TNR: variants seen among roughly 807,000 people sequenced by gnomAD.
The protein encoded by TNR is tenascin R.
In TNR, 45 loss-of-function variants were observed where a neutral mutation model predicts 150.4. The ratio of observed to expected loss-of-function variants is 0.30; its 90% CI spans 0.24 to 0.38. The LOEUF (loss-of-function observed/expected upper bound fraction) is 0.38. Ranked by LOEUF, TNR falls within the 10% of genes least tolerant of loss-of-function variation. The pLI is 1.00. For synonymous variants in TNR, 687 were observed against 678.4 expected, an observed-to-expected ratio of 1.01 and a Z score of -0.20; for missense variants, 1,544 against 1,759.1, an observed-to-expected ratio of 0.88 and a Z score of 2.19.
chr1:175,379,604 A>T lies in TNR; in HGVS notation c.1911T>A (p.His637Gln), dbSNP rs576717528. 2.7e-5 allele frequency: 44 copies of T among 1,614,058 alleles called. No homozygotes were observed. In the Admixed American group the frequency reaches 3.5e-4, roughly 13 times the overall value. The change falls in exon 9 of 23, where the codon CAT (histidine) becomes CAA (glutamine). Residue 637 changes from histidine to glutamine, a missense_variant. Physicochemically the swap from His to Gln is conservative, Grantham distance 24. Transcript: ENST00000367674. ...CAATGCCCCTGGGGACCAGTACCTC[A>T]TGATATTGCTCACCCGCCAGGGTGC... ...VYSTLAGEQY[H>Q]EVLVPRGIGP...
intron 1 of TNR, among the ~76,000 whole-genome samples, chr1:175,641,074 G>T (rs937531875): frequency 4.6e-5 from 7 of 152,112 alleles, no homozygotes; most frequent in South Asian, 2.1e-4. Flanking sequence ...GATAATAAAA[G>T]AACTCAAAGT....
At chr1:175,735,386 G>T (rs1373930684) in intron 1 of TNR, among the ~76,000 whole-genome samples, 1 of 152,192 alleles carries the variant, frequency 6.6e-6, no homozygotes, top group East Asian at 1.9e-4. Context: ...GCTGACCTTG[G>T]TATTGACAAA....
In TNR at chr1:175,701,220, G is replaced by A. The variant is rs368357837; in HGVS notation, c.-165+42006C>T. On this transcript the variant is annotated intron_variant, in intron 1 of 22. Transcript: ENST00000367674. ...TTTTGTTTTGTTTCCTTCCCTAGAC[G>A]TACTCCCTCTTGCTGTGCTCCTGCC... 4.0e-5 allele frequency among the ~76,000 whole-genome samples: 6 copies of A among 151,820 alleles called. No homozygotes were observed. In the East Asian group the frequency reaches 7.7e-4, roughly 20 times the overall value.
In TNR at chr1:175,366,079, T is replaced by A; in HGVS notation, c.2113A>T (p.Ile705Phe). ...ATGGGGCCACTGGCCTTGGTCCAGA[T>A]GAGGGAGATGGAGGTCTCCGAGGAG... The part of the protein sequence containing the change: ...TASSETSISL[I>F]WTKASGPIDH... The change falls in exon 11 of 23, where the codon ATC becomes TTC. Residue 705 changes from isoleucine (I) to phenylalanine (F), a missense_variant. This residue lies in a region of TNR where 1,254 missense variants were observed against 1,329.4 expected (regional missense o/e 0.94). Transcript: ENST00000367674. The A allele has an allele frequency of 6.2e-7, 1 of 1,613,912 alleles. No individual in the cohort carries two copies. Among genetic ancestry groups the A allele is most frequent in the Non-Finnish European group, 8.5e-7 (1 of 1,179,894 alleles).
At chr1:175,518,365 A>T (rs776354705) in intron 2 of TNR, among the ~76,000 whole-genome samples, 2 of 152,186 alleles carry the variant, frequency 1.3e-5, no homozygotes, top group Non-Finnish European at 2.9e-5. Context: ...TGGGACACAC[A>T]AATATGTCCA....
chr1:175,593,419 T>G (rs983972701), intron 1 of TNR, among the ~76,000 whole-genome samples: 8 of 151,648 alleles, frequency 5.3e-5, no homozygotes, highest in African/African-American at 1.9e-4. Context: ...GCCAACAGTT[T>G]GCAGCTCAAA....
At chr1:175,675,376 C>A (rs552567447) in intron 1 of TNR, among the ~76,000 whole-genome samples, 6 of 152,326 alleles carry the variant, frequency 3.9e-5, no homozygotes, top group African/African-American at 1.2e-4. Flanking sequence ...TTTGTGGAAC[C>A]CCACTGTCAT....
intron 1 of TNR, among the ~76,000 whole-genome samples, chr1:175,596,235 C>G (rs750759448): frequency 6.6e-6 from 1 of 152,156 alleles, no homozygotes; most frequent in Non-Finnish European, 1.5e-5. Context: ...TGACTTCCCT[C>G]GAAAGATGAA....
intron 2 of TNR, among the ~76,000 whole-genome samples, chr1:175,448,116 T>C (rs1045476923): frequency 6.6e-6 from 1 of 152,178 alleles, no homozygotes; most frequent in Non-Finnish European, 1.5e-5. Flanking sequence ...TGTACTCTTC[T>C]CCTCAAACTT....
intron 1 of TNR, among the ~76,000 whole-genome samples, chr1:175,724,932 G>A (rs534701094): frequency 6.6e-6 from 1 of 152,086 alleles, no homozygotes; most frequent in South Asian, 2.1e-4. Flanking sequence ...AGGGAGTGTG[G>A]GGAACTCAGA....
intron 1 of TNR, among the ~76,000 whole-genome samples, chr1:175,567,896 G>T (rs73048372): frequency 0.034 from 5,176 of 151,468 alleles, 147 homozygotes; most frequent in African/African-American, 0.081. Flanking sequence ...AAAAAATCAA[G>T]GAAAACAAAG....
intron 2 of TNR, among the ~76,000 whole-genome samples, chr1:175,474,125 G>A (rs1484942854): frequency 1.3e-5 from 2 of 152,252 alleles, no homozygotes. Context: ...GTCTTTGGGA[G>A]GAAGTTGCAT....
At chr1:175,429,175 T>G (rs1227664691) in intron 2 of TNR, among the ~76,000 whole-genome samples, 1 of 152,166 alleles carries the variant, frequency 6.6e-6, no homozygotes, top group Non-Finnish European at 1.5e-5. Context: ...TCAAATAAAT[T>G]AAAGAATCAT....
chr1:175,596,217 T>C (rs1662999940), intron 1 of TNR, among the ~76,000 whole-genome samples: 1 of 152,230 alleles, frequency 6.6e-6, no homozygotes, highest in African/African-American at 2.4e-5. Context: ...TATAGAATTA[T>C]TGATTTTTGA....
rs61033216 is a variant in TNR at position 175,331,077 on chromosome 1, C to CTGT, written c.3632-843_3632-842insACA. Among the ~76,000 whole-genome samples, 32 of 94,244 alleles carry CTGT rather than the reference C, an allele frequency of 3.4e-4. 2 individuals carry two copies. The highest frequency in any genetic ancestry group is 1.2e-3 in the African/African-American group (32 of 26,802). The allele number at this position is 94,244 out of a possible 152,430, so 61.8% of individuals were successfully genotyped here. A position where few individuals can be genotyped will look rare whatever the true frequency, so the allele number is the denominator to read the frequency against. On this transcript the variant is annotated intron_variant, in intron 20 of 22. Coordinates refer to ENST00000367674, the MANE Select transcript of TNR (RefSeq NM_003285.3). ...TCTTTCTTTCTTTCTTTCTTTCTTT[C>CTGT]CTTCTTTCTTTCTTTCTTTCTTTCT...
chr1:175,318,286 G>C lies in TNR; in HGVS notation c.*5071C>G, dbSNP rs1648898980. ...TCTGCCTTTCAGTGTGGTGCCACCGGTAGAAGGCTTGTTTTGAATCTCCAA... is the reference window on the plus strand; with the variant it reads ...TCTGCCTTTCAGTGTGGTGCCACCGCTAGAAGGCTTGTTTTGAATCTCCAA... On this transcript the variant is annotated 3_prime_UTR_variant, in exon 23 of 23. Transcript: ENST00000367674. 6.6e-6 allele frequency: 1 copy of C among 152,184 alleles called. No homozygotes were observed. Among genetic ancestry groups the C allele is most frequent in the Non-Finnish European group, 1.5e-5 (1 of 68,034 alleles). The allele number at this position is 152,184 out of a possible 1,614,324, so 9.4% of individuals were successfully genotyped here.
intron 1 of TNR, among the ~76,000 whole-genome samples, chr1:175,596,706 T>A (rs762425327): frequency 5.3e-5 from 8 of 152,326 alleles, no homozygotes; most frequent in Middle Eastern, 3.4e-3. Context: ...ATTAGAAACT[T>A]GCCAAACCAA....
At chr1:175,648,595 G>T (rs376639018) in intron 1 of TNR, among the ~76,000 whole-genome samples, 32 of 152,070 alleles carry the variant, frequency 2.1e-4, no homozygotes, top group African/African-American at 7.2e-4. Context: ...CTCCTTCTCA[G>T]TTCCTCCCGC....
chr1:175,651,579 T>C (rs1293090472), intron 1 of TNR, among the ~76,000 whole-genome samples: 1 of 152,036 alleles, frequency 6.6e-6, no homozygotes, highest in Non-Finnish European at 1.5e-5. Context: ...ATTATAATGG[T>C]AATTGAAGAA....
Sources: gnomAD v4.1 joint callset for allele counts (sites outside exome capture counted in the v4.1 genomes callset) on GRCh38, gnomAD v4.1.1 for gene constraint, gnomAD v4.1.1 regional missense constraint, MANE v1.5 for transcripts, NCBI Gene and HGNC (gene_info 2026-07-23, HGNC 2026-07-21) for gene names.